Variants in SGMS1 observed in about 807,000 individuals in gnomAD.
SGMS1 encodes sphingomyelin synthase 1.
SGMS1 carries 13 observed loss-of-function variants against 46.2 expected under a neutral mutation model. The ratio of observed to expected loss-of-function variants is 0.28; its 90% CI spans 0.18 to 0.45. The LOEUF (loss-of-function observed/expected upper bound fraction) is 0.45, where lower values mean the gene tolerates loss of function less well. Ranked by LOEUF, SGMS1 falls within the 20% of genes least tolerant of loss-of-function variation. The pLI is 1.00. For missense variants in SGMS1, 324 were observed against 519.9 expected (o/e 0.62, Z 3.66); for synonymous variants, 203 against 187.8 (o/e 1.08, Z -0.66).
chr10:50,442,039 C>T, intron 5 of SGMS1, among the ~76,000 whole-genome samples: 1 of 152,176 alleles, frequency 6.6e-6, no homozygotes, highest in Admixed American at 6.5e-5. Flanking sequence ...CATTCATTAA[C>T]TTGCTTTTAT....
At chr10:50,444,955 T>G (rs577729729) in intron 5 of SGMS1, among the ~76,000 whole-genome samples, 1 of 152,160 alleles carries the variant, frequency 6.6e-6, no homozygotes, top group African/African-American at 2.4e-5. Context: ...TCACCATACA[T>G]GTATCTGACC....
At chr10:50,579,352 G>C (rs566198129) in intron 2 of SGMS1, among the ~76,000 whole-genome samples, 2 of 151,858 alleles carry the variant, frequency 1.3e-5, no homozygotes, top group African/African-American at 4.8e-5. Flanking sequence ...AAAACAGAGG[G>C]GGGAATTCAA....
chr10:50,591,535 C>G (rs746139900), intron 1 of SGMS1, among the ~76,000 whole-genome samples: 1 of 152,126 alleles, frequency 6.6e-6, no homozygotes, highest in African/African-American at 2.4e-5. Flanking sequence ...AGTAATTATA[C>G]TTCTCTTGTA....
chr10:50,552,331 C>A (rs1420079910), intron 2 of SGMS1, among the ~76,000 whole-genome samples: 1 of 152,236 alleles, frequency 6.6e-6, no homozygotes. Flanking sequence ...AGTAACTCAA[C>A]TCATGCTTCC....
chr10:50,539,450 G>A (rs1404380753), intron 2 of SGMS1, among the ~76,000 whole-genome samples: 2 of 152,220 alleles, frequency 1.3e-5, no homozygotes, highest in East Asian at 1.9e-4. Flanking sequence ...GACTGAAAAG[G>A]TCGGTGAATG....
chr10:50,446,116 A>C (rs1837009673), intron 5 of SGMS1, among the ~76,000 whole-genome samples: 1 of 152,106 alleles, frequency 6.6e-6, no homozygotes, highest in South Asian at 2.1e-4. Flanking sequence ...TATCAATGAC[A>C]ATGCGTGCCC....
upstream of SGMS1, chr10:50,624,999 G>C: frequency 9.8e-7 from 1 of 1,023,098 alleles, no homozygotes; most frequent in Non-Finnish European, 1.2e-6. Context: ...CGACCTGGGA[G>C]CTGGCGGGAC....
chr10:50,559,787 G>T (rs1838217815), intron 2 of SGMS1, among the ~76,000 whole-genome samples: 1 of 152,238 alleles, frequency 6.6e-6, no homozygotes, highest in African/African-American at 2.4e-5. Context: ...ATACATCATT[G>T]ATGTCCCACT....
chr10:50,624,000 G>A (rs2131955073), upstream of SGMS1: 2 of 985,450 alleles, frequency 2.0e-6, no homozygotes, highest in South Asian at 4.7e-5. Context: ...CCGGCTTCCC[G>A]CGCGACGCGA....
chr10:50,501,959 G>A (rs1431917861), intron 3 of SGMS1, among the ~76,000 whole-genome samples: 1 of 152,154 alleles, frequency 6.6e-6, no homozygotes, highest in Non-Finnish European at 1.5e-5. Flanking sequence ...ATGTTTGCTG[G>A]GGAAAGGGAG....
At chr10:50,432,935 C>G (rs931557639) in intron 6 of SGMS1, among the ~76,000 whole-genome samples, 1 of 152,298 alleles carries the variant, frequency 6.6e-6, no homozygotes, top group African/African-American at 2.4e-5. Flanking sequence ...AAACCAAAAT[C>G]AACCATATGT....
chr10:50,489,711 C>T (rs898381082), intron 3 of SGMS1, among the ~76,000 whole-genome samples: 2 of 152,194 alleles, frequency 1.3e-5, no homozygotes, highest in African/African-American at 4.8e-5. Flanking sequence ...CACGGTGGCT[C>T]ACGCCTGTAA....
At chr10:50,465,460 A>G (rs1444404729) in intron 4 of SGMS1, among the ~76,000 whole-genome samples, 1 of 152,218 alleles carries the variant, frequency 6.6e-6, no homozygotes, top group Non-Finnish European at 1.5e-5. Flanking sequence ...GCATCTATCA[A>G]ACAAAAACAG....
chr10:50,381,278 A>T lies in SGMS1; in HGVS notation c.-231-36933T>A, dbSNP rs544378856. On this transcript the variant is annotated intron_variant, in intron 6 of 10. Coordinates refer to ENST00000361781, the MANE Select transcript of SGMS1 (RefSeq NM_147156.4). The stretch of plus-strand genomic sequence containing the variant: ...GAACAGTGTTCTAAAAGAAAAAAAA[A>T]AAGAAGAAGAAGAAAAAAAAAATCC... Among the ~76,000 whole-genome samples the T allele has an allele frequency of 2.6e-5, 4 of 152,044 alleles. No homozygotes were observed. The East Asian group carries it at 5.8e-4, about 22-fold the overall frequency.
chr10:50,577,459 G>A lies in SGMS1; in HGVS notation c.-589+12694C>T, dbSNP rs143502567. ...AATTAAACAACAACAACAACAAAAG[G>A]TCCCTTTCCTAACGTGCAAGAATTC... On this transcript the variant is annotated intron_variant, in intron 2 of 10. Coordinates refer to ENST00000361781, the MANE Select transcript of SGMS1 (RefSeq NM_147156.4). Among the ~76,000 whole-genome samples, 602 of 152,180 alleles carry A rather than the reference G, an allele frequency of 4.0e-3. 5 individuals are homozygous for A. The highest frequency in any genetic ancestry group is 0.014 in the African/African-American group (569 of 41,514).
At chr10:50,462,794 A>G (rs1837281056) in intron 4 of SGMS1, among the ~76,000 whole-genome samples, 1 of 152,180 alleles carries the variant, frequency 6.6e-6, no homozygotes, top group Non-Finnish European at 1.5e-5. Context: ...AGCAAACAAT[A>G]GGCATCACTG....
intron 2 of SGMS1, among the ~76,000 whole-genome samples, chr10:50,524,080 C>CT (rs1837878594): frequency 2.0e-5 from 3 of 152,230 alleles, no homozygotes; most frequent in African/African-American, 7.2e-5. Context: ...TTTGGTTCTA[C>CT]TTCAGGTCCC....
intron 6 of SGMS1, among the ~76,000 whole-genome samples, chr10:50,375,974 A>G (rs1289029947): frequency 6.6e-6 from 1 of 152,140 alleles, no homozygotes; most frequent in Non-Finnish European, 1.5e-5. Context: ...TAAGACTACA[A>G]GTGAGTACTA....
chr10:50,477,863 AAGC>A (rs1837441658), intron 3 of SGMS1, among the ~76,000 whole-genome samples: 1 of 152,172 alleles, frequency 6.6e-6, no homozygotes, highest in Admixed American at 6.5e-5. Context: ...GCCTCCCCAG[AAGC>A]AGAAGCCTGT....
Sources: allele counts gnomAD v4.1 joint callset (sites outside exome capture counted in the v4.1 genomes callset), GRCh38; gene constraint gnomAD v4.1.1; transcripts MANE v1.5; gene names NCBI Gene and HGNC (gene_info 2026-07-23, HGNC 2026-07-21).